The following GNAS variants were observed in gnomAD, a reference collection of about 807,000 sequenced individuals.
The protein encoded by GNAS is GNAS complex locus, also known as protein ALEX.
GNAS carries 8 observed loss-of-function variants against 54.5 expected under a neutral mutation model. That is an observed-to-expected ratio of 0.15 (90% CI 0.09 to 0.26). GNAS has a LOEUF of 0.26. Among genes scored for constraint, GNAS ranks in the 10% least tolerant of loss-of-function variants. The probability of loss-of-function intolerance (pLI) is 1.00; values close to 1 mark genes in which losing one functional copy is unlikely to be tolerated. For missense variants in GNAS, 170 were observed against 529.8 expected (o/e 0.32, Z 6.67); for synonymous variants, 204 against 191.4 (o/e 1.07, Z -0.54).
rs138731520 is a variant in GNAS at position 58,853,749 on chromosome 20, A to G, written c.43+12863A>G. The G allele has an allele frequency of 2.7e-3, 4,370 of 1,613,780 alleles. 16 individuals are homozygous for G. The highest frequency in any genetic ancestry group is 7.0e-3 in the South Asian group (636 of 91,084). ...ATACAGCCCTCCACCAGAAGAAGCT[A>G]TGCCCTTTGAGTTTGACCAGCCTGC... On this transcript the variant is annotated intron_variant, in intron 1 of 12. Coordinates refer to the GNAS transcript ENST00000306090. This position sits in a 1 kb window ranked among gnomAD's most constrained non-coding sequence, Gnocchi z 4.4.
chr20:58,870,685 CTGTT>C (rs914992470), intron 1 of GNAS, among the ~76,000 whole-genome samples: 2 of 152,146 alleles, frequency 1.3e-5, no homozygotes, highest in South Asian at 2.1e-4. Context: ...GGGGTTTGGT[CTGTT>C]TATTTGGTGG....
At chr20:58,850,981 C>A in intron 1 of GNAS, 1 of 398,610 alleles carries the variant, frequency 2.5e-6, no homozygotes, top group Non-Finnish European at 4.4e-6. Context: ...TGGCATGACC[C>A]CTGCCCAATG....
intron 2 of GNAS, among the ~76,000 whole-genome samples, chr20:58,896,595 C>G (rs1312077068): frequency 1.3e-5 from 2 of 151,484 alleles, no homozygotes; most frequent in Non-Finnish European, 2.9e-5. Context: ...TGGGGCCTAC[C>G]CATCGTTCTC....
intron 3 of GNAS, chr20:58,900,123 A>T: frequency 1.7e-6 from 1 of 572,052 alleles, no homozygotes; most frequent in Non-Finnish European, 3.1e-6. Context: ...GATGATTGAA[A>T]AAACGAAAAA....
At chr20:58,864,221 A>G (rs368195791) in intron 1 of GNAS, 2 of 152,198 alleles carry the variant, frequency 1.3e-5, no homozygotes, top group African/African-American at 4.8e-5. Flanking sequence ...TTTTAAATAG[A>G]TACCTTTTTT....
At chr20:58,895,037 A>C in intron 1 of GNAS, 1 of 160,458 alleles carries the variant, frequency 6.2e-6, no homozygotes, top group South Asian at 1.8e-4. Context: ...GTGGATTTTT[A>C]AGTAGCCCAA....
rs1240136313 is a variant in GNAS at position 58,909,046 on chromosome 20, C to G, written c.531-116C>G. 2.3e-6 allele frequency: 2 copies of G among 852,720 alleles called. No individual in the cohort carries two copies. Among genetic ancestry groups the G allele is most frequent in the Admixed American group, 3.4e-5 (2 of 59,056 alleles). The allele number at this position is 852,720 out of a possible 1,614,324, so 52.8% of individuals were successfully genotyped here. A position where few individuals can be genotyped will look rare whatever the true frequency, so the allele number is the denominator to read the frequency against. On this transcript the variant is annotated intron_variant, in intron 6 of 12. Transcript: ENST00000371085. This position sits in a 1 kb window ranked among gnomAD's most constrained non-coding sequence, Gnocchi z 7.3. Reference sequence around the variant, plus strand: ...AAGCAAATGTGCCATTGACTTAGTGCTGCATAACTGTGGGACGGTCACTTC... The same window carrying G: ...AAGCAAATGTGCCATTGACTTAGTGGTGCATAACTGTGGGACGGTCACTTC...
chr20:58,898,898 G>C (rs377040812), intron 2 of GNAS, 43 bp from the exon 3 acceptor site: 6 of 1,548,724 alleles, frequency 3.9e-6, no homozygotes, highest in Admixed American at 3.3e-5. Context: ...GTGACACTGC[G>C]GTGCCTTGCA....
At chr20:58,898,630 T>C (rs930479292) in intron 2 of GNAS, 1 of 501,398 alleles carries the variant, frequency 2.0e-6, no homozygotes, top group South Asian at 2.5e-5. Context: ...AGCTCCCTAA[T>C]GCGTGTACGT....
chr20:58,850,682 C>A (rs2086123746), intron 1 of GNAS: 7 of 398,940 alleles, frequency 1.8e-5, no homozygotes. Context: ...CAGTGGCACC[C>A]CGTTGGCTGG....
intron 1 of GNAS, among the ~76,000 whole-genome samples, chr20:58,871,658 T>TAAAAAAAAAAAG (rs2087475943): frequency 1.1e-5 from 1 of 87,024 alleles, no homozygotes; most frequent in Non-Finnish European, 2.2e-5. Context: ...CCAAAAAAAT[T>TAAAAAAAAAAAG]AAAAGGGAGA....
intron 1 of GNAS, among the ~76,000 whole-genome samples, chr20:58,879,871 G>C (rs2088108964): frequency 6.6e-6 from 1 of 152,086 alleles, no homozygotes; most frequent in Non-Finnish European, 1.5e-5. Context: ...CCCACATTTT[G>C]TCTTAGGTTA....
intron 1 of GNAS, among the ~76,000 whole-genome samples, chr20:58,875,735 G>A (rs918110692): frequency 1.3e-5 from 2 of 152,176 alleles, no homozygotes; most frequent in Admixed American, 6.5e-5. Flanking sequence ...TAGCCTTCAG[G>A]GTGCCTGACT....
chr20:58,885,494 C>A (rs894086092), intron 1 of GNAS, among the ~76,000 whole-genome samples: 1 of 152,060 alleles, frequency 6.6e-6, no homozygotes, highest in East Asian at 1.9e-4. Flanking sequence ...TGTCATATGG[C>A]CATGTAGTTA....
upstream of GNAS, chr20:58,891,305 GCCGCCGCCGCCTCCTCCTCCCC>G (rs2089255005): frequency 7.0e-6 from 1 of 142,640 alleles, no homozygotes; most frequent in Non-Finnish European, 1.6e-5. Flanking sequence ...CACCCCCCTC[GCCGCCGCCGCCTCCTCCTCCCC>G]CCGCCTCCCC....
Position 58,841,454 on chromosome 20 carries a change from C to G in GNAS, c.43+568C>G, listed in dbSNP as rs190024309. The stretch of plus-strand genomic sequence containing the variant: ...GAGGGAAGTCACGCGCGCGCGGCGC[C>G]TAAGCAGCTCAGAGCCGGAGCCCAG... On this transcript the variant is annotated intron_variant, in intron 1 of 12. Coordinates refer to the GNAS transcript ENST00000306090. This position sits in a 1 kb window ranked among gnomAD's most constrained non-coding sequence, Gnocchi z 5.0. 337 of 993,568 alleles carry G rather than the reference C, an allele frequency of 3.4e-4. No individual in the cohort carries two copies. The highest frequency in any genetic ancestry group is 3.2e-3 in the African/African-American group (184 of 57,480). The allele number at this position is 993,568 out of a possible 1,614,324, so 61.5% of individuals were successfully genotyped here. A position where few individuals can be genotyped will look rare whatever the true frequency, so the allele number is the denominator to read the frequency against.
At chr20:58,854,258 G>A (rs1203182324) in intron 1 of GNAS, 9 of 1,613,070 alleles carry the variant, frequency 5.6e-6, no homozygotes, top group Non-Finnish European at 6.8e-6. Context: ...CCCCAATCGC[G>A]CTTGACGGCC....
intron 1 of GNAS, among the ~76,000 whole-genome samples, chr20:58,892,747 G>T (rs1037331956): frequency 6.6e-6 from 1 of 151,906 alleles, no homozygotes; most frequent in African/African-American, 2.4e-5. Flanking sequence ...AAAATGGATA[G>T]AGTTAGTACG....
At position 58,841,198 on chromosome 20, in the gene GNAS, G is replaced by A. The variant is rs1376077930; in HGVS notation, c.43+312G>A. The A allele has an allele frequency of 1.7e-6, 1 of 576,520 alleles. No homozygotes were observed. The highest frequency in any genetic ancestry group is 2.6e-6 in the Non-Finnish European group (1 of 391,534). The allele number at this position is 576,520 out of a possible 1,614,324, so 35.7% of individuals were successfully genotyped here. ...GAATCCCGAACGCACCCCAGATTTGGAGCTGCACACCCAAACGGCATTGGT... is the reference window on the plus strand; with the variant it reads ...GAATCCCGAACGCACCCCAGATTTGAAGCTGCACACCCAAACGGCATTGGT... On this transcript the variant is annotated intron_variant, in intron 1 of 12. Coordinates refer to the GNAS transcript ENST00000306090. This position sits in a 1 kb window ranked among gnomAD's most constrained non-coding sequence, Gnocchi z 5.0.
Sources: gnomAD v4.1 joint callset for allele counts (sites outside exome capture counted in the v4.1 genomes callset) on GRCh38, gnomAD v4.1.1 for gene constraint, Gnocchi (gnomAD v3.1) non-coding constraint, MANE v1.5 for transcripts, NCBI Gene and HGNC (gene_info 2026-07-23, HGNC 2026-07-21) for gene names.